Variants in KIAA1217 observed in about 807,000 individuals in gnomAD.
KIAA1217 encodes the protein sickle tail protein homolog.
KIAA1217 carries 88 observed loss-of-function variants against 163.9 expected under a neutral mutation model. The ratio of observed to expected loss-of-function variants is 0.54; its 90% CI spans 0.45 to 0.64. KIAA1217 has a LOEUF of 0.64. Ranked by LOEUF, KIAA1217 falls within the 30% of genes least tolerant of loss-of-function variation. The probability of loss-of-function intolerance (pLI) is 0.00; values close to 1 mark genes in which losing one functional copy is unlikely to be tolerated. For missense variants in KIAA1217, 2,372 were observed against 2,475.0 expected (o/e 0.96, Z 0.88); for synonymous variants, 903 against 923.1 (o/e 0.98, Z 0.39).
intron 1 of KIAA1217, among the ~76,000 whole-genome samples, chr10:23,771,411 T>C (rs1017915133): frequency 6.6e-6 from 1 of 152,224 alleles, no homozygotes; most frequent in Admixed American, 6.5e-5. Context: ...TTTTTGCTGC[T>C]CAAAACATTA....
chr10:24,454,397 T>C (rs2061612243), intron 5 of KIAA1217, among the ~76,000 whole-genome samples: 1 of 152,228 alleles, frequency 6.6e-6, no homozygotes, highest in African/African-American at 2.4e-5. Context: ...TCTTGTGACA[T>C]CAAAGGTCGT....
At chr10:24,196,455 C>T (rs553018581) in intron 2 of KIAA1217, among the ~76,000 whole-genome samples, 32 of 152,262 alleles carry the variant, frequency 2.1e-4, no homozygotes, top group African/African-American at 7.7e-4. Flanking sequence ...TTTACAATTG[C>T]TTGGGGGTAA....
intron 1 of KIAA1217, among the ~76,000 whole-genome samples, chr10:23,713,657 T>C (rs1470463273): frequency 1.3e-5 from 2 of 152,188 alleles, no homozygotes; most frequent in African/African-American, 2.4e-5. Flanking sequence ...GTGATATTAA[T>C]ATCATTATTA....
intron 2 of KIAA1217, among the ~76,000 whole-genome samples, chr10:24,143,729 A>G (rs971522060): frequency 2.0e-5 from 3 of 151,922 alleles, no homozygotes; most frequent in Non-Finnish European, 4.4e-5. Flanking sequence ...TTTACTGGTC[A>G]CCACTGAGAC....
At chr10:24,512,316 G>A (rs1367057900) in intron 9 of KIAA1217, among the ~76,000 whole-genome samples, 1 of 152,138 alleles carries the variant, frequency 6.6e-6, no homozygotes, top group African/African-American at 2.4e-5. Context: ...TTTGTTAAAT[G>A]ATATTTCAGT....
At chr10:24,241,322 A>G (rs1252089781) in intron 2 of KIAA1217, among the ~76,000 whole-genome samples, 3 of 152,234 alleles carry the variant, frequency 2.0e-5, no homozygotes, top group African/African-American at 7.2e-5. Context: ...ATGATTCTGT[A>G]AAGTAATTAA....
chr10:24,192,952 A>G (rs1267687587), intron 2 of KIAA1217, among the ~76,000 whole-genome samples: 1 of 151,862 alleles, frequency 6.6e-6, no homozygotes, highest in Non-Finnish European at 1.5e-5. Flanking sequence ...GTTAATTTTA[A>G]ATTTCTTTTT....
intron 2 of KIAA1217, among the ~76,000 whole-genome samples, chr10:24,046,066 C>A (rs1319243419): frequency 1.3e-5 from 2 of 151,736 alleles, no homozygotes; most frequent in Non-Finnish European, 2.9e-5. Context: ...TCCTCTGACC[C>A]TAAATTGTTT....
At chr10:24,090,164 CTTTTTTT>C (rs1162687231) in intron 2 of KIAA1217, among the ~76,000 whole-genome samples, 10 of 109,238 alleles carry the variant, frequency 9.2e-5, no homozygotes, top group African/African-American at 1.6e-4. Flanking sequence ...TTTTCTTTTT[CTTTTTTT>C]TTTTTTTTTT....
At chr10:24,181,372 A>G (rs2131950338) in intron 2 of KIAA1217, among the ~76,000 whole-genome samples, 1 of 152,286 alleles carries the variant, frequency 6.6e-6, no homozygotes, top group African/African-American at 2.4e-5. Flanking sequence ...TTACCTGTAG[A>G]AAGGCTCTGA....
intron 5 of KIAA1217, among the ~76,000 whole-genome samples, chr10:24,440,692 T>C (rs1373700319): frequency 6.6e-6 from 1 of 152,240 alleles, no homozygotes; most frequent in East Asian, 1.9e-4. Context: ...ACCCAGAGCC[T>C]ACTTTAAGCC....
chr10:24,241,499 T>A (rs191247048), intron 2 of KIAA1217, among the ~76,000 whole-genome samples: 3 of 152,296 alleles, frequency 2.0e-5, no homozygotes, highest in Admixed American at 2.0e-4. Flanking sequence ...AATTTTAAAT[T>A]CTACCTGCCT....
At chr10:24,380,083 T>G (rs2053086177) in intron 2 of KIAA1217, among the ~76,000 whole-genome samples, 1 of 151,890 alleles carries the variant, frequency 6.6e-6, no homozygotes, top group African/African-American at 2.4e-5. Flanking sequence ...AAAATCTCCC[T>G]TGCAATGTGA....
At chr10:23,903,380 T>C (rs570133872) in intron 1 of KIAA1217, among the ~76,000 whole-genome samples, 1 of 152,080 alleles carries the variant, frequency 6.6e-6, no homozygotes, top group South Asian at 2.1e-4. Context: ...AAAGACAAAT[T>C]AACAACAGAA....
At chr10:24,517,483 T>TA (rs1250352514) in intron 10 of KIAA1217, among the ~76,000 whole-genome samples, 3 of 152,198 alleles carry the variant, frequency 2.0e-5, no homozygotes, top group African/African-American at 7.2e-5. Flanking sequence ...CGTCGATTTT[T>TA]AAAAAGAGCT....
At chr10:23,971,024 G>T (rs139897754) in intron 1 of KIAA1217, among the ~76,000 whole-genome samples, 1 of 152,210 alleles carries the variant, frequency 6.6e-6, no homozygotes, top group Non-Finnish European at 1.5e-5. Context: ...CCAAGCGGGC[G>T]CTTGAGAGAT....
At chr10:24,003,784 A>G (rs1336181017) in intron 1 of KIAA1217, among the ~76,000 whole-genome samples, 1 of 152,204 alleles carries the variant, frequency 6.6e-6, no homozygotes, top group Non-Finnish European at 1.5e-5. Context: ...GCAGTAGTCA[A>G]ACAGGAAAAT....
chr10:24,245,575 G>A (rs2073694368), intron 2 of KIAA1217, among the ~76,000 whole-genome samples: 1 of 152,146 alleles, frequency 6.6e-6, no homozygotes. Flanking sequence ...GAATGTTCAT[G>A]AATGCCCCTC....
At chr10:24,457,246 A>G (rs1190868547) in intron 5 of KIAA1217, among the ~76,000 whole-genome samples, 1 of 152,158 alleles carries the variant, frequency 6.6e-6, no homozygotes, top group Admixed American at 6.5e-5. Flanking sequence ...GCATTGAGGG[A>G]AGATAAGCTA....
Sources: gnomAD v4.1 joint callset for allele counts (sites outside exome capture counted in the v4.1 genomes callset) on GRCh38, gnomAD v4.1.1 for gene constraint, MANE v1.5 for transcripts, NCBI Gene and HGNC (gene_info 2026-07-23, HGNC 2026-07-21) for gene names.